SDK1: variants seen among roughly 807,000 people sequenced by gnomAD.
The protein encoded by SDK1 is sidekick cell adhesion molecule 1.
SDK1 carries 157 observed loss-of-function variants against 245.5 expected under a neutral mutation model. The observed-to-expected ratio is 0.64, with a 90% CI of 0.56 to 0.73. The LOEUF (loss-of-function observed/expected upper bound fraction) is 0.73. SDK1 is among the 30% of genes least tolerant of loss of function. The pLI, the probability that SDK1 is intolerant of heterozygous loss-of-function variation, is 0.00. For missense variants in SDK1, 3,583 were observed against 3,002.3 expected, an observed-to-expected ratio of 1.19 and a Z score of -4.52; for synonymous variants, 1,647 against 1,278.5, an observed-to-expected ratio of 1.29 and a Z score of -6.15.
At chr7:4,194,316 ATATGTATGCACGTATGTG>A (rs1783427906) in intron 35 of SDK1, among the ~76,000 whole-genome samples, 1 of 117,916 alleles carries the variant, frequency 8.5e-6, no homozygotes, top group African/African-American at 4.0e-5. Context: ...ATGTATACAT[ATATGTATGCACGTATGTG>A]TATACATGTA....
chr7:4,114,466 C>T (rs1252505357), intron 25 of SDK1, among the ~76,000 whole-genome samples, 192 bp downstream of exon 25: 1 of 152,146 alleles, frequency 6.6e-6, no homozygotes, highest in African/African-American at 2.4e-5. Context: ...GGCCCCAAGC[C>T]ATTCATTGGA....
intron 43 of SDK1, among the ~76,000 whole-genome samples, chr7:4,242,560 G>T (rs533688527): frequency 5.3e-5 from 8 of 152,090 alleles, no homozygotes; most frequent in African/African-American, 1.7e-4. Flanking sequence ...GAAGGGCCAG[G>T]AATGGGGAGG....
intron 14 of SDK1, among the ~76,000 whole-genome samples, chr7:4,008,433 A>G (rs1021768877): frequency 2.6e-5 from 4 of 152,222 alleles, no homozygotes; most frequent in Admixed American, 1.3e-4. Context: ...CACCTGAACA[A>G]AGGGGCACGA....
intron 12 of SDK1, among the ~76,000 whole-genome samples, 193 bp downstream of exon 12, chr7:3,971,761 T>C (rs1467267786): frequency 6.6e-6 from 1 of 152,254 alleles, no homozygotes; most frequent in African/African-American, 2.4e-5. Flanking sequence ...TTATGTGTTA[T>C]TTACAGTGAG....
chr7:4,218,444 G>C (rs1784958759), intron 38 of SDK1, among the ~76,000 whole-genome samples: 2 of 152,034 alleles, frequency 1.3e-5, no homozygotes, highest in Admixed American at 6.6e-5. Flanking sequence ...AAATAATTTA[G>C]CTGAATATAT....
intron 5 of SDK1, among the ~76,000 whole-genome samples, chr7:3,916,097 G>A (rs1040866097): frequency 2.0e-5 from 3 of 152,128 alleles, no homozygotes; most frequent in Non-Finnish European, 2.9e-5. Flanking sequence ...TTCCAAAGAG[G>A]GTTTTTGGAA....
At chr7:3,848,777 T>C (rs756648176) in intron 5 of SDK1, among the ~76,000 whole-genome samples, 4 of 151,632 alleles carry the variant, frequency 2.6e-5, no homozygotes, top group Non-Finnish European at 4.4e-5. Context: ...GTTCAAGCAA[T>C]TCTCCTGCCT....
chr7:3,606,527 C>G (rs546856205), intron 1 of SDK1, among the ~76,000 whole-genome samples: 1 of 152,234 alleles, frequency 6.6e-6, no homozygotes, highest in South Asian at 2.1e-4. Flanking sequence ...TGTCATCCCC[C>G]GCACTCACTG....
At chr7:3,467,494 G>A (rs1174269982) in intron 1 of SDK1, among the ~76,000 whole-genome samples, 1 of 151,618 alleles carries the variant, frequency 6.6e-6, no homozygotes, top group Non-Finnish European at 1.5e-5. Flanking sequence ...GATTTTGATT[G>A]GTATTTGGAG....
At chr7:4,013,725 T>C (rs1404941611) in intron 16 of SDK1, among the ~76,000 whole-genome samples, 1 of 152,232 alleles carries the variant, frequency 6.6e-6, no homozygotes, top group Non-Finnish European at 1.5e-5. Context: ...CTCTTCTAAA[T>C]GTAAGCCAGA....
At chr7:3,380,482 T>G (rs886636557) in intron 1 of SDK1, among the ~76,000 whole-genome samples, 2 of 152,234 alleles carry the variant, frequency 1.3e-5, no homozygotes, top group African/African-American at 4.8e-5. Context: ...ACTTACATAT[T>G]CAGGCTGACA....
At chr7:3,931,360 C>T (rs1175012020) in intron 5 of SDK1, among the ~76,000 whole-genome samples, 1 of 152,200 alleles carries the variant, frequency 6.6e-6, no homozygotes, top group African/African-American at 2.4e-5. Flanking sequence ...TATTGATGAA[C>T]ACTTCCTCTG....
chr7:3,477,916 C>G (rs1321441588), intron 1 of SDK1, among the ~76,000 whole-genome samples: 3 of 152,104 alleles, frequency 2.0e-5, no homozygotes, highest in African/African-American at 7.2e-5. Flanking sequence ...GTGTTTGAAT[C>G]CTTACATACA....
Position 3,966,382 on chromosome 7 carries a change from A to G in SDK1, c.1430-936A>G, listed in dbSNP as rs150014406. Among the ~76,000 whole-genome samples the G allele has an allele frequency of 3.5e-3, 530 of 152,210 alleles. 5 individuals carry two copies. Among genetic ancestry groups the G allele is most frequent in the African/African-American group, 0.012 (507 of 41,544 alleles). ...CTCACAGAAGACTTGAGAGACACAG[A>G]TCACTGTTGTACGGGGGGTTCCGGT... On this transcript the variant is annotated intron_variant, in intron 9 of 44. Transcript: ENST00000404826.
rs560374279 is a variant in SDK1, at chr7:4,035,897, CATA to C, written c.2603-13437_2603-13435del. On this transcript the variant is annotated intron_variant, in intron 17 of 44. Transcript: ENST00000404826. ...TTAAAGATGGGAAAATTTACAAATC[CATA>C]ATAATAATAATAACTGCAATGGACT... Among the ~76,000 whole-genome samples the C allele has an allele frequency of 4.9e-4, 74 of 151,968 alleles. 1 individual carries two copies. Among genetic ancestry groups the C allele is most frequent in the Non-Finnish European group, 9.0e-4 (61 of 67,992 alleles).
chr7:3,723,935 TATATATATAGAGAGAGAGAGAGAG>T (rs1778922598), intron 4 of SDK1, among the ~76,000 whole-genome samples: 1 of 120,300 alleles, frequency 8.3e-6, no homozygotes, highest in Non-Finnish European at 1.8e-5. Context: ...TATATATATA[TATATATATAGAGAGAGAGAGAGAG>T]AGAGAGAGAG....
intron 44 of SDK1, among the ~76,000 whole-genome samples, chr7:4,253,473 T>C (rs962814086): frequency 1.5e-4 from 23 of 152,350 alleles, no homozygotes; most frequent in African/African-American, 4.8e-4. Flanking sequence ...TCTAATTATA[T>C]CCTATTTTGG....
chr7:4,254,952 G>A (rs886814236), intron 44 of SDK1, among the ~76,000 whole-genome samples: 3 of 152,288 alleles, frequency 2.0e-5, no homozygotes, highest in South Asian at 2.1e-4. Context: ...CATGATTGGC[G>A]TCATACCCAG....
chr7:3,873,183 C>G (rs1780998461), intron 5 of SDK1, among the ~76,000 whole-genome samples: 2 of 151,782 alleles, frequency 1.3e-5, no homozygotes, highest in African/African-American at 4.9e-5. Context: ...CTTTCTTTCT[C>G]CTTCACTTTT....
Sources: allele counts gnomAD v4.1 joint callset (sites outside exome capture counted in the v4.1 genomes callset), GRCh38; gene constraint gnomAD v4.1.1; transcripts MANE v1.5; gene names NCBI Gene and HGNC (gene_info 2026-07-23, HGNC 2026-07-21).